The following CHD9 variants were observed in gnomAD, a reference collection of about 807,000 sequenced individuals.
The protein encoded by CHD9 is chromodomain helicase DNA binding protein 9.
In CHD9, 77 loss-of-function variants were observed where a neutral mutation model predicts 316.1. That is an observed-to-expected ratio of 0.24 (90% CI 0.20 to 0.29). The LOEUF (loss-of-function observed/expected upper bound fraction) is 0.29. Ranked by LOEUF, CHD9 falls within the 10% of genes least tolerant of loss-of-function variation. The pLI is 1.00. For synonymous variants in CHD9, 1,129 were observed against 1,158.3 expected (o/e 0.97, Z 0.51); for missense variants, 2,763 against 3,438.1 (o/e 0.80, Z 4.91).
At chr16:53,084,037 A>T (rs1368966471) in intron 1 of CHD9, among the ~76,000 whole-genome samples, 1 of 151,816 alleles carries the variant, frequency 6.6e-6, no homozygotes, top group African/African-American at 2.4e-5. Flanking sequence ...AGCGTGAGCC[A>T]CCCGCACCCA....
At chr16:53,204,044 A>AT (rs1473280245) in intron 2 of CHD9, among the ~76,000 whole-genome samples, 1,132 of 103,264 alleles carry the variant, frequency 0.011, 11 homozygotes, top group South Asian at 0.019. Flanking sequence ...AAAAAAAAAA[A>AT]AAAAATATAT....
intron 3 of CHD9, among the ~76,000 whole-genome samples, chr16:53,219,510 G>A (rs1380523310): frequency 6.6e-6 from 1 of 152,168 alleles, no homozygotes; most frequent in Non-Finnish European, 1.5e-5. Flanking sequence ...TCAAGGCGTA[G>A]ATGCAGGAAG....
At chr16:53,256,381 C>CTTTTTTT (rs1163977563) in intron 19 of CHD9, among the ~76,000 whole-genome samples, 210 of 99,254 alleles carry the variant, frequency 2.1e-3, no homozygotes, top group African/African-American at 3.9e-3. Flanking sequence ...TTTTTCTTTT[C>CTTTTTTT]TTTTTTTTTT....
In CHD9 at chr16:53,314,818, T is replaced by C; in HGVS notation, c.7363-5T>C. ...ATAAAGATACCATTTGGTGTTTTTTTACAGGTTTCTTTAGGCTTAACCTCC... is the reference window on the plus strand; with the variant it reads ...ATAAAGATACCATTTGGTGTTTTTTCACAGGTTTCTTTAGGCTTAACCTCC... On this transcript the variant is annotated splice_polypyrimidine_tract_variant and splice_region_variant and intron_variant, in intron 35 of 38. Coordinates refer to ENST00000447540, the MANE Select transcript of CHD9 (RefSeq NM_001308319.2). 1.3e-6 allele frequency: 2 copies of C among 1,585,662 alleles called. No individual in the cohort carries two copies. The highest frequency in any genetic ancestry group is 1.7e-6 in the Non-Finnish European group (2 of 1,163,010).
intron 2 of CHD9, among the ~76,000 whole-genome samples, chr16:53,168,318 C>T (rs906942148): frequency 4.6e-5 from 7 of 152,098 alleles, no homozygotes; most frequent in Non-Finnish European, 1.0e-4. Flanking sequence ...CTGCTTTGGC[C>T]TCCCAAAGTG....
At chr16:53,073,459 T>C (rs1269389376) in intron 1 of CHD9, among the ~76,000 whole-genome samples, 1 of 152,224 alleles carries the variant, frequency 6.6e-6, no homozygotes, top group Non-Finnish European at 1.5e-5. Flanking sequence ...TACAAATATC[T>C]CTTTGAGACT....
chr16:53,155,970 A>G lies in CHD9; in HGVS notation c.-120A>G. The G allele has an allele frequency of 1.2e-6, 1 of 859,790 alleles. No homozygotes were observed. The highest frequency in any genetic ancestry group is 2.7e-5 in the East Asian group (1 of 37,702). The allele number at this position is 859,790 out of a possible 1,614,324, so 53.3% of individuals were successfully genotyped here. ...ATGTCATTATTTAGAGCAATAATGAATATTGACCTGTTTTGGATTAGTTGA... is the reference window on the plus strand; with the variant it reads ...ATGTCATTATTTAGAGCAATAATGAGTATTGACCTGTTTTGGATTAGTTGA... On this transcript the variant is annotated 5_prime_UTR_variant, in exon 2 of 39. Transcript: ENST00000447540.
chr16:53,062,446 A>T (rs1330058945), intron 1 of CHD9, among the ~76,000 whole-genome samples: 1 of 152,216 alleles, frequency 6.6e-6, no homozygotes, highest in Non-Finnish European at 1.5e-5. Context: ...ATGAGGATAG[A>T]ATAAAATATA....
At chr16:53,165,270 A>G (rs1222993689) in intron 2 of CHD9, among the ~76,000 whole-genome samples, 1 of 152,190 alleles carries the variant, frequency 6.6e-6, no homozygotes, top group Non-Finnish European at 1.5e-5. Context: ...AGGTTTTATT[A>G]TAGGATATAA....
chr16:53,236,750 C>G (rs2048666487), intron 11 of CHD9, among the ~76,000 whole-genome samples: 1 of 151,622 alleles, frequency 6.6e-6, no homozygotes, highest in African/African-American at 2.4e-5. Flanking sequence ...GTTGGTACTC[C>G]TTCCTTCTTT....
chr16:53,256,692 C>G (rs2050637126), intron 19 of CHD9, among the ~76,000 whole-genome samples: 1 of 151,128 alleles, frequency 6.6e-6, no homozygotes, highest in Non-Finnish European at 1.5e-5. Flanking sequence ...CTTACCTCTT[C>G]CATTCATCTG....
chr16:53,176,043 A>G (rs2043077213), intron 2 of CHD9, among the ~76,000 whole-genome samples: 1 of 152,214 alleles, frequency 6.6e-6, no homozygotes, highest in African/African-American at 2.4e-5. Context: ...TGCTGTTGTA[A>G]TAAGTTATCA....
chr16:53,301,654 A>G (rs1567651091), intron 30 of CHD9, among the ~76,000 whole-genome samples: 1 of 151,092 alleles, frequency 6.6e-6, no homozygotes, highest in East Asian at 1.9e-4. Context: ...ATGGTCCTTG[A>G]TTTTTTTTCA....
chr16:53,308,737 C>T lies in CHD9; in HGVS notation c.7105C>T (p.Pro2369Ser), dbSNP rs777398251. The T allele has an allele frequency of 4.3e-6, 7 of 1,613,264 alleles. No individual in the cohort carries two copies. In the South Asian group the frequency reaches 6.6e-5, roughly 15 times the overall value. Residue 2369 changes from proline (P) to serine (S), a missense_variant, in exon 34 of 39, where the codon CCA (proline) becomes TCA (serine). Coordinates refer to ENST00000447540, the MANE Select transcript of CHD9 (RefSeq NM_001308319.2). ...FQKQGLAQKR[P>S]FDGEDGALGQ... ...GAAGCAAGGGCTTGCTCAGAAAAGA[C>T]CATTTGATGGTGAAGACGGTGCTCT...
intron 1 of CHD9, among the ~76,000 whole-genome samples, chr16:53,079,646 C>T (rs1481625745): frequency 1.3e-5 from 2 of 152,030 alleles, no homozygotes; most frequent in Non-Finnish European, 2.9e-5. Context: ...GGCTGGTCAC[C>T]AAAAAGACCA....
intron 1 of CHD9, among the ~76,000 whole-genome samples, chr16:53,067,551 GT>G (rs1205936541): frequency 6.6e-6 from 1 of 151,862 alleles, no homozygotes; most frequent in African/African-American, 2.4e-5. Context: ...AATTTTCTTG[GT>G]TTTGATAACC....
chr16:53,235,043 G>A (rs2048504048), intron 10 of CHD9, 142 bp from the exon 11 acceptor site: 1 of 534,132 alleles, frequency 1.9e-6, no homozygotes, highest in East Asian at 3.3e-5. Flanking sequence ...GAATTAATTT[G>A]ACCTTTAAAT....
rs561210290 is a variant in CHD9, at chr16:53,075,799, A to T, written c.-165+20722A>T. Among the ~76,000 whole-genome samples, 12 of 152,266 alleles carry T rather than the reference A, an allele frequency of 7.9e-5. 1 individual carries two copies. The highest frequency in any genetic ancestry group is 1.5e-5 in the Non-Finnish European group (1 of 68,020). ...CAGCAGCATGAAAATGGACTAATAC[A>T]TATGGTAATTTCATTTTTAATCTTT... On this transcript the variant is annotated intron_variant, in intron 1 of 38. Transcript: ENST00000447540.
In CHD9 at chr16:53,156,868, C is replaced by T. The variant is rs753472211; in HGVS notation, c.779C>T (p.Thr260Ile). The change falls in exon 2 of 39, where the codon ACT becomes ATT. Residue 260 changes from threonine (T) to isoleucine (I), a missense_variant. Transcript: ENST00000447540. ...GNFNGPSPNM[T>I]SCSVSNSQQF... ...TTTAATGGACCTTCCCCAAATATGA[C>T]TTCTTGTTCTGTCAGTAATTCACAG... 6.2e-7 allele frequency: 1 copy of T among 1,613,458 alleles called. No individual in the cohort carries two copies. Among genetic ancestry groups the T allele is most frequent in the South Asian group, 1.1e-5 (1 of 91,072 alleles).
Sources: allele counts gnomAD v4.1 joint callset (sites outside exome capture counted in the v4.1 genomes callset), GRCh38; gene constraint gnomAD v4.1.1; transcripts MANE v1.5; gene names NCBI Gene and HGNC (gene_info 2026-07-23, HGNC 2026-07-21).